Variants in SEMA4D observed in about 807,000 individuals in gnomAD.
The protein encoded by SEMA4D is semaphorin-4D.
A neutral mutation model predicts 74.8 loss-of-function variants in SEMA4D; 22 were observed. The ratio of observed to expected loss-of-function variants is 0.29; its 90% CI spans 0.21 to 0.42. The LOEUF (loss-of-function observed/expected upper bound fraction) is 0.42, where lower values mean the gene tolerates loss of function less well. Ranked by LOEUF, SEMA4D falls within the 10% of genes least tolerant of loss-of-function variation. The pLI, the probability that SEMA4D is intolerant of heterozygous loss-of-function variation, is 1.00. For missense variants in SEMA4D, 937 were observed against 1,118.4 expected (o/e 0.84, Z 2.31); for synonymous variants, 445 against 463.7 (o/e 0.96, Z 0.52).
intron 2 of SEMA4D, among the ~76,000 whole-genome samples, chr9:89,429,893 G>C (rs1848895930): frequency 6.6e-6 from 1 of 152,176 alleles, no homozygotes; most frequent in South Asian, 2.1e-4. Flanking sequence ...GAAGAATGCA[G>C]CTGTGGGTTT....
intron 2 of SEMA4D, among the ~76,000 whole-genome samples, chr9:89,435,818 T>C (rs1850272979): frequency 6.6e-6 from 1 of 152,280 alleles, no homozygotes; most frequent in East Asian, 1.9e-4. Flanking sequence ...GGCCTTTCCT[T>C]ACAAAGGCTG....
At chr9:89,385,287 AGGGGCCCAATC>A in intron 13 of SEMA4D, 2 of 985,310 alleles carry the variant, frequency 2.0e-6, no homozygotes. Flanking sequence ...TGTCCACACC[AGGGGCCCAATC>A]TTCATTCTAA....
chr9:89,386,132 A>G (rs2132982289), intron 13 of SEMA4D: 1 of 959,202 alleles, frequency 1.0e-6, no homozygotes, highest in East Asian at 1.2e-4. Flanking sequence ...ATGACATTCC[A>G]GCAACTTCGA....
At chr9:89,429,416 G>C (rs1848779576) in intron 2 of SEMA4D, among the ~76,000 whole-genome samples, 1 of 152,184 alleles carries the variant, frequency 6.6e-6, no homozygotes, top group Non-Finnish European at 1.5e-5. Context: ...TCCCTCTTTT[G>C]CAGCTAAGAA....
chr9:89,365,900 GA>G (rs759855326), intron 16 of SEMA4D, among the ~76,000 whole-genome samples: 53 of 152,312 alleles, frequency 3.5e-4, no homozygotes, highest in Admixed American at 9.1e-4. Flanking sequence ...CTGCTTTACT[GA>G]CTGTGGCATC....
chr9:89,381,688 T>A lies in SEMA4D; in HGVS notation c.1447-342A>T. On this transcript the variant is annotated intron_variant, in intron 13 of 15. Transcript: ENST00000422704. The surrounding 1 kb of genome is among the most constrained non-coding windows in gnomAD (Gnocchi z 4.6). ...AGTCCCCACCTCCAGATCTCCTCCC[T>A]GCAGCAGAGGATGCATGAGCCTGGC... 1 of 198,852 alleles carries A rather than the reference T, an allele frequency of 5.0e-6. No individual in the cohort carries two copies. The highest frequency in any genetic ancestry group is 1.0e-5 in the Non-Finnish European group (1 of 98,062). The allele number at this position is 198,852 out of a possible 1,614,324, so 12.3% of individuals were successfully genotyped here.
chr9:89,402,591 C>T (rs949786074), intron 4 of SEMA4D, among the ~76,000 whole-genome samples: 2 of 151,954 alleles, frequency 1.3e-5, no homozygotes, highest in Admixed American at 6.6e-5. Context: ...ACTGAACACC[C>T]GGCCTTGCAT....
At chr9:89,402,611 T>C (rs1842449140) in intron 4 of SEMA4D, among the ~76,000 whole-genome samples, 1 of 151,096 alleles carries the variant, frequency 6.6e-6, no homozygotes, top group African/African-American at 2.4e-5. Context: ...TAAGCTGCAG[T>C]GGGCACAGGG....
intron 16 of SEMA4D, among the ~76,000 whole-genome samples, chr9:89,370,219 TG>T (rs1449411057): frequency 3.4e-5 from 5 of 149,014 alleles, no homozygotes; most frequent in African/African-American, 1.2e-4. Context: ...GTGTATGTGA[TG>T]TTTTGTGCTG....
intron 13 of SEMA4D, among the ~76,000 whole-genome samples, chr9:89,383,147 G>A (rs7469453): frequency 0.33 from 50,118 of 152,130 alleles, 8,473 homozygotes; most frequent in Middle Eastern, 0.38. Context: ...CCCACTGGTC[G>A]ATGTGGATGT....
exon 19 of SEMA4D, chr9:89,360,895 T>A (rs1208263541): frequency 1.3e-5 from 2 of 152,210 alleles, no homozygotes; most frequent in African/African-American, 4.8e-5. Context: ...TTACGAAAAC[T>A]TCAAGTATGT....
intron 2 of SEMA4D, among the ~76,000 whole-genome samples, chr9:89,407,175 C>T (rs1219248736): frequency 6.6e-6 from 1 of 152,214 alleles, no homozygotes; most frequent in Non-Finnish European, 1.5e-5. Context: ...CTTGGGTTGG[C>T]AGTGTGCCCA....
intron 1 of SEMA4D, among the ~76,000 whole-genome samples, chr9:89,469,083 C>T (rs1859493107): frequency 6.6e-6 from 1 of 152,080 alleles, no homozygotes. Context: ...TTCCCAATTC[C>T]CAATATCAGG....
chr9:89,372,812 T>C (rs1835296042), downstream of SEMA4D, among the ~76,000 whole-genome samples: 1 of 151,964 alleles, frequency 6.6e-6, no homozygotes, highest in East Asian at 1.9e-4. Flanking sequence ...TGCAAAGGCA[T>C]AGTTCCCACT....
chr9:89,430,317 C>T (rs1351813416), intron 2 of SEMA4D, among the ~76,000 whole-genome samples: 1 of 152,184 alleles, frequency 6.6e-6, no homozygotes, highest in African/African-American at 2.4e-5. Flanking sequence ...ACCACATACA[C>T]ACTGTGTCAA....
chr9:89,490,109 T>C (rs1023819222), intron 1 of SEMA4D, among the ~76,000 whole-genome samples: 1 of 151,658 alleles, frequency 6.6e-6, no homozygotes, highest in African/African-American at 2.4e-5. Context: ...CCCTAACAAC[T>C]AATGATGTTA....
At chr9:89,446,858 GC>G (rs1277184867) in intron 2 of SEMA4D, among the ~76,000 whole-genome samples, 1 of 152,146 alleles carries the variant, frequency 6.6e-6, no homozygotes, top group African/African-American at 2.4e-5. Flanking sequence ...CGGGCTCCCT[GC>G]CCACACTGTG....
chr9:89,427,999 C>A (rs1229218801), intron 2 of SEMA4D, among the ~76,000 whole-genome samples: 3 of 152,214 alleles, frequency 2.0e-5, no homozygotes, highest in Non-Finnish European at 4.4e-5. Flanking sequence ...AGGGTGACCA[C>A]CTGTGGAGGG....
intron 1 of SEMA4D, among the ~76,000 whole-genome samples, chr9:89,458,743 A>G (rs1416635766): frequency 1.4e-5 from 2 of 143,738 alleles, no homozygotes; most frequent in South Asian, 4.2e-4. Flanking sequence ...ACACTCATGC[A>G]CACACACACA....
Sources: allele counts gnomAD v4.1 joint callset (sites outside exome capture counted in the v4.1 genomes callset), GRCh38; gene constraint gnomAD v4.1.1; non-coding constraint Gnocchi (gnomAD v3.1); transcripts MANE v1.5; gene names NCBI Gene and HGNC (gene_info 2026-07-23, HGNC 2026-07-21).